ALK: variants seen among roughly 807,000 people sequenced by gnomAD.
The protein encoded by ALK is ALK tyrosine kinase receptor.
In ALK, 74 loss-of-function variants were observed where a neutral mutation model predicts 163.1. The ratio of observed to expected loss-of-function variants is 0.45; its 90% confidence interval spans 0.38 to 0.55. ALK has a LOEUF of 0.55. Among genes scored for constraint, ALK ranks in the 20% least tolerant of loss-of-function variants. The pLI, the probability that ALK is intolerant of heterozygous loss-of-function variation, is 0.00. For synonymous variants in ALK, 960 were observed against 843.2 expected (o/e 1.14, Z -2.40); for missense variants, 2,063 against 2,105.3 (o/e 0.98, Z 0.39).
intron 4 of ALK, among the ~76,000 whole-genome samples, chr2:29,467,944 AT>A (rs1671252861): frequency 6.6e-6 from 1 of 152,152 alleles, no homozygotes; most frequent in Admixed American, 6.6e-5. Flanking sequence ...GAATAGGTAA[AT>A]ATTTTTAAAA....
intron 11 of ALK, among the ~76,000 whole-genome samples, chr2:29,252,409 A>G (rs768113810): frequency 1.4e-4 from 21 of 152,370 alleles, no homozygotes; most frequent in Non-Finnish European, 2.9e-4. Flanking sequence ...TGATGGAAAC[A>G]TTAATTTGGG....
Position 29,225,345 on chromosome 2 carries a change from C to G in ALK, c.3172+116G>C, listed in dbSNP as rs967102030. The G allele has an allele frequency of 1.8e-5, 18 of 985,016 alleles. No individual in the cohort carries two copies. The South Asian group carries it at 2.3e-4, about 12-fold the overall frequency. The allele number at this position is 985,016 out of a possible 1,614,324, so 61.0% of individuals were successfully genotyped here. A position where few individuals can be genotyped will look rare whatever the true frequency, so the allele number is the denominator to read the frequency against. On this transcript the variant is annotated intron_variant, in intron 19 of 28. Transcript: ENST00000389048. ...GGGCTGCCCTAATCACCACCCCACC[C>G]AATTCCAGGGACTAGCATAACGAAG... is the stretch of plus-strand genomic sequence containing the variant.
intron 1 of ALK, among the ~76,000 whole-genome samples, chr2:29,829,259 A>G (rs953975357): frequency 3.3e-5 from 5 of 151,706 alleles, no homozygotes; most frequent in African/African-American, 1.2e-4. Flanking sequence ...ACATGTATAC[A>G]TATGTAACTA....
chr2:29,379,059 C>G (rs1046109270), intron 5 of ALK, among the ~76,000 whole-genome samples: 1 of 152,196 alleles, frequency 6.6e-6, no homozygotes, highest in Non-Finnish European at 1.5e-5. Context: ...CTTTCCCATT[C>G]TGACGTATGT....
chr2:29,766,919 T>C lies in ALK; in HGVS notation c.668-49222A>G, dbSNP rs531013981. Reference sequence around the variant, plus strand: ...CCAGAGCCTGACCTCCAAAAGGCTCTTCTAGAAGCTGTGGAACACCCCAGC... The same window carrying C: ...CCAGAGCCTGACCTCCAAAAGGCTCCTCTAGAAGCTGTGGAACACCCCAGC... On this transcript the variant is annotated intron_variant, in intron 1 of 28. Coordinates refer to ENST00000389048, the MANE Select transcript of ALK (RefSeq NM_004304.5). 4.6e-5 allele frequency among the ~76,000 whole-genome samples: 7 copies of C among 152,282 alleles called. No individual in the cohort carries two copies. In the South Asian group the frequency reaches 1.5e-3, roughly 32 times the overall value.
chr2:29,675,678 A>C (rs1490549519), intron 3 of ALK, among the ~76,000 whole-genome samples: 2 of 151,984 alleles, frequency 1.3e-5, no homozygotes, highest in Non-Finnish European at 2.9e-5. Flanking sequence ...GTCTTCGGAC[A>C]ATTCTTTACC....
intron 3 of ALK, among the ~76,000 whole-genome samples, chr2:29,662,276 G>A (rs1050406811): frequency 3.9e-5 from 6 of 152,066 alleles, no homozygotes; most frequent in Non-Finnish European, 1.5e-5. Context: ...TGCCCTTTGA[G>A]GTCTAAGGAA....
chr2:29,264,661 C>A (rs7559372), intron 11 of ALK, among the ~76,000 whole-genome samples: 16,561 of 152,178 alleles, frequency 0.11, 2,162 homozygotes, highest in African/African-American at 0.31. Context: ...GAAATAGAAA[C>A]AACAGAGTAG....
chr2:29,849,566 G>T (rs953676300), intron 1 of ALK, among the ~76,000 whole-genome samples: 2 of 152,170 alleles, frequency 1.3e-5, no homozygotes, highest in African/African-American at 2.4e-5. Flanking sequence ...TAGATTAACA[G>T]GAAACACAGA....
chr2:29,728,678 G>A (rs1009596138), intron 1 of ALK, among the ~76,000 whole-genome samples: 7 of 152,204 alleles, frequency 4.6e-5, no homozygotes, highest in Admixed American at 3.3e-4. Context: ...CTAGTTAAAG[G>A]GAGTGGGGTA....
intron 1 of ALK, among the ~76,000 whole-genome samples, chr2:29,876,515 T>C (rs574395359): frequency 6.4e-4 from 97 of 151,550 alleles, no homozygotes; most frequent in Admixed American, 1.4e-3. Context: ...GTAATGGTAA[T>C]GATGATGGTG....
intron 3 of ALK, among the ~76,000 whole-genome samples, chr2:29,650,084 C>A (rs1003319605): frequency 3.4e-4 from 51 of 152,120 alleles, no homozygotes; most frequent in Admixed American, 2.9e-3. Context: ...GACTCTAAGA[C>A]CCTAAGTAAC....
chr2:29,580,646 G>A (rs140864403), intron 3 of ALK, among the ~76,000 whole-genome samples: 6 of 152,320 alleles, frequency 3.9e-5, no homozygotes, highest in East Asian at 1.9e-4. Context: ...ATGTGGCACC[G>A]ATCATGTAGG....
chr2:29,700,182 T>A (rs1408643598), intron 2 of ALK, among the ~76,000 whole-genome samples: 2 of 152,182 alleles, frequency 1.3e-5, no homozygotes, highest in Non-Finnish European at 2.9e-5. Context: ...AGAGGCAGAT[T>A]TCCTATGGAA....
intron 1 of ALK, among the ~76,000 whole-genome samples, chr2:29,756,296 T>C (rs549251309): frequency 6.6e-6 from 1 of 152,338 alleles, no homozygotes; most frequent in East Asian, 1.9e-4. Context: ...CCCAGGACTT[T>C]TGTTAACAAC....
chr2:29,815,408 G>A (rs776399510), intron 1 of ALK, among the ~76,000 whole-genome samples: 1 of 152,028 alleles, frequency 6.6e-6, no homozygotes, highest in Non-Finnish European at 1.5e-5. Flanking sequence ...CGCTATTCCT[G>A]GCCTACCATA....
intron 11 of ALK, among the ~76,000 whole-genome samples, chr2:29,266,877 C>T (rs1291198240): frequency 2.0e-5 from 3 of 152,164 alleles, no homozygotes; most frequent in East Asian, 1.9e-4. Context: ...GGTGAATGTT[C>T]GTCTCCAGCA....
chr2:29,485,438 G>C (rs975481684), intron 4 of ALK, among the ~76,000 whole-genome samples: 1 of 152,048 alleles, frequency 6.6e-6, no homozygotes. Flanking sequence ...TTTCATTTCA[G>C]CCTGATTCTG....
intron 4 of ALK, among the ~76,000 whole-genome samples, chr2:29,482,882 A>G (rs1222032865): frequency 1.3e-5 from 2 of 152,158 alleles, no homozygotes; most frequent in Non-Finnish European, 2.9e-5. Context: ...GAGTGTGTGC[A>G]TGAAGGGGCG....
Sources: gnomAD v4.1 joint callset for allele counts (sites outside exome capture counted in the v4.1 genomes callset) on GRCh38, gnomAD v4.1.1 for gene constraint, MANE v1.5 for transcripts, NCBI Gene and HGNC (gene_info 2026-07-23, HGNC 2026-07-21) for gene names.